ANKFY1: variants seen among roughly 807,000 people sequenced by gnomAD.
ANKFY1 encodes the protein ankyrin repeat and FYVE domain containing 1, also known as ankyrin repeat and FYVE domain-containing protein 1.
In ANKFY1, 47 loss-of-function variants were observed where a neutral mutation model predicts 128.3. That is an observed-to-expected ratio of 0.37 (90% CI 0.29 to 0.47). The LOEUF (loss-of-function observed/expected upper bound fraction) is 0.47. ANKFY1 is among the 20% of genes least tolerant of loss of function. The pLI is 1.00. For missense variants in ANKFY1, 1,222 were observed against 1,510.6 expected, an observed-to-expected ratio of 0.81 and a Z score of 3.17; for synonymous variants, 553 against 601.6, an observed-to-expected ratio of 0.92 and a Z score of 1.18.
At chr17:4,242,777 T>C (rs1310385152) in intron 1 of ANKFY1, among the ~76,000 whole-genome samples, 5 of 152,220 alleles carry the variant, frequency 3.3e-5, no homozygotes, top group Non-Finnish European at 5.9e-5. Context: ...TTCAGGGTGC[T>C]GGTCACTGAA....
At chr17:4,212,915 C>T (rs1379928243) in intron 4 of ANKFY1, among the ~76,000 whole-genome samples, 1 of 151,440 alleles carries the variant, frequency 6.6e-6, no homozygotes, top group Non-Finnish European at 1.5e-5. Context: ...GGATTACAGG[C>T]ATGTGCCGCC....
chr17:4,238,786 G>A (rs536114396), intron 2 of ANKFY1, among the ~76,000 whole-genome samples: 5 of 151,144 alleles, frequency 3.3e-5, no homozygotes, highest in Admixed American at 2.0e-4. Flanking sequence ...TTTAGACAGG[G>A]TCTCACTCCA....
At chr17:4,207,842 C>T (rs2060053628) in intron 6 of ANKFY1, 91 bp downstream of exon 6, 2 of 1,326,864 alleles carry the variant, frequency 1.5e-6, no homozygotes, top group East Asian at 2.6e-5. Context: ...CTGTGCCAGT[C>T]ATGGCTCGGA....
At chr17:4,171,685 G>A (rs2059323135) in intron 22 of ANKFY1, among the ~76,000 whole-genome samples, 1 of 152,178 alleles carries the variant, frequency 6.6e-6, no homozygotes, top group Non-Finnish European at 1.5e-5. Context: ...CTGAGTACGT[G>A]CTGCTCACTC....
chr17:4,261,444 C>T (rs1481699081), intron 1 of ANKFY1, among the ~76,000 whole-genome samples: 1 of 152,204 alleles, frequency 6.6e-6, no homozygotes, highest in Non-Finnish European at 1.5e-5. Flanking sequence ...TGCGCTATTG[C>T]ACTCCCGCCT....
intron 1 of ANKFY1, among the ~76,000 whole-genome samples, chr17:4,258,770 T>C (rs1463015976): frequency 6.6e-6 from 1 of 152,182 alleles, no homozygotes; most frequent in East Asian, 1.9e-4. Context: ...CAAATTTAAG[T>C]AGCCACATGT....
At chr17:4,183,156 C>T (rs2059546143) in intron 14 of ANKFY1, among the ~76,000 whole-genome samples, 1 of 152,168 alleles carries the variant, frequency 6.6e-6, no homozygotes, top group Non-Finnish European at 1.5e-5. Flanking sequence ...GAGACTTGTG[C>T]AATACTATGC....
At chr17:4,217,689 T>A (rs979754366) in intron 3 of ANKFY1, among the ~76,000 whole-genome samples, 12 of 152,170 alleles carry the variant, frequency 7.9e-5, no homozygotes, top group Non-Finnish European at 1.0e-4. Flanking sequence ...TAACATTATT[T>A]TTTTTTTCTT....
chr17:4,182,140 T>C (rs1380238932), intron 15 of ANKFY1, 41 bp downstream of exon 15: 2 of 1,421,162 alleles, frequency 1.4e-6, no homozygotes, highest in Non-Finnish European at 1.9e-6. Context: ...ACACAACATA[T>C]CCCCATCTGT....
Position 4,194,988 on chromosome 17 carries a change from G to A in ANKFY1, c.1362C>T (p.Asp454=), listed in dbSNP as rs749116050. ...IQRGSHTDAP[D]TATGNCLLQR... is the part of the protein sequence containing the mutation. ...AGGCACGTGCTTTACCTGTCGCCGT[G>A]TCAGGTGCGTCTGTGTGGCTGCCGC... Residue 454 remains aspartate, a synonymous_variant, in exon 10 of 25, where the codon GAC becomes GAT. Transcript: ENST00000341657. The A allele has an allele frequency of 5.0e-6, 8 of 1,614,082 alleles. No individual in the cohort carries two copies. The highest frequency in any genetic ancestry group is 1.1e-5 in the South Asian group (1 of 91,086).
At chr17:4,245,420 G>T (rs1365674418) in intron 1 of ANKFY1, among the ~76,000 whole-genome samples, 1 of 151,128 alleles carries the variant, frequency 6.6e-6, no homozygotes, top group Admixed American at 6.6e-5. Context: ...TGCCAGGCCT[G>T]GTCTCAAACT....
chr17:4,193,735 A>AT (rs112195832), intron 10 of ANKFY1, among the ~76,000 whole-genome samples: 10 of 148,606 alleles, frequency 6.7e-5, no homozygotes, highest in East Asian at 2.0e-4. Context: ...CTGACCTTTA[A>AT]TTTTTTTTTA....
chr17:4,168,568 C>T (rs2059255390), intron 24 of ANKFY1, among the ~76,000 whole-genome samples: 1 of 152,132 alleles, frequency 6.6e-6, no homozygotes, highest in East Asian at 1.9e-4. Flanking sequence ...TCTCAGCTCA[C>T]TGCAACCTCT....
At chr17:4,185,449 C>A (rs966075511) in intron 11 of ANKFY1, among the ~76,000 whole-genome samples, 1 of 152,138 alleles carries the variant, frequency 6.6e-6, no homozygotes, top group Non-Finnish European at 1.5e-5. Flanking sequence ...GTGATCCACC[C>A]AACTCGGACT....
chr17:4,254,303 CAAAAAAAAAAAAAAA>C (rs572606909), intron 1 of ANKFY1, among the ~76,000 whole-genome samples: 6 of 81,944 alleles, frequency 7.3e-5, no homozygotes, highest in Non-Finnish European at 2.2e-5. Context: ...GACTCCATCT[CAAAAAAAAAAAAAAA>C]AAAAAAAAAA....
intron 18 of ANKFY1, among the ~76,000 whole-genome samples, chr17:4,177,562 G>A (rs1449903578): frequency 6.6e-6 from 1 of 152,220 alleles, no homozygotes; most frequent in Non-Finnish European, 1.5e-5. Context: ...GCAGCCTCCT[G>A]TAGTAGGAAC....
chr17:4,206,572 A>C, intron 6 of ANKFY1, 86 bp from the exon 7 acceptor site: 30 of 1,254,400 alleles, frequency 2.4e-5, no homozygotes, highest in Non-Finnish European at 3.0e-5. Flanking sequence ...CTTAAATATC[A>C]TCTCTTATAC....
chr17:4,192,526 T>C (rs2059736683), intron 10 of ANKFY1, among the ~76,000 whole-genome samples: 1 of 151,790 alleles, frequency 6.6e-6, no homozygotes, highest in Non-Finnish European at 1.5e-5. Context: ...TGGAGACTCT[T>C]AGTTGATGGT....
At chr17:4,220,371 A>G (rs912357256) in intron 3 of ANKFY1, among the ~76,000 whole-genome samples, 1 of 152,184 alleles carries the variant, frequency 6.6e-6, no homozygotes, top group Admixed American at 6.5e-5. Context: ...CAAAAATCCC[A>G]AAACACATCC....
Sources: gnomAD v4.1 joint callset for allele counts (sites outside exome capture counted in the v4.1 genomes callset) on GRCh38, gnomAD v4.1.1 for gene constraint, MANE v1.5 for transcripts, NCBI Gene and HGNC (gene_info 2026-07-23, HGNC 2026-07-21) for gene names.